The following SP6 variants were observed in gnomAD, a reference collection of about 807,000 sequenced individuals.
SP6 encodes Sp6 transcription factor.
In SP6, 10 loss-of-function variants were observed where a neutral mutation model predicts 23.4. The ratio of observed to expected loss-of-function variants is 0.43; its 90% CI spans 0.26 to 0.72. SP6 has a LOEUF of 0.72. Ranked by LOEUF, SP6 falls within the 30% of genes least tolerant of loss-of-function variation. The pLI, the probability that SP6 is intolerant of heterozygous loss-of-function variation, is 0.23. For missense variants in SP6, 482 were observed against 523.8 expected, an observed-to-expected ratio of 0.92 and a Z score of 0.78; for synonymous variants, 238 against 238.7, an observed-to-expected ratio of 1.00 and a Z score of 0.03.
At position 47,848,211 on chromosome 17, in the gene SP6, G is replaced by A. The variant is rs2033916129; in HGVS notation, c.219C>T (p.Ser73=). The change falls in exon 2 of 2, where the codon TCC becomes TCT. Residue 73 remains serine, a synonymous_variant. Transcript: ENST00000536300. This position sits in a 1 kb window ranked among gnomAD's most constrained non-coding sequence, Gnocchi z 5.3. ...CCAGGTCCTCGCAGGTTACCCGCGA[G>A]GAGGCCCCTGGCAGCTCATAGCCCT... The part of the protein sequence containing the change: ...FSQGYELPGA[S]SRVTCEDLES... The A allele has an allele frequency of 3.1e-6, 5 of 1,612,732 alleles. No homozygotes were observed. Among genetic ancestry groups the A allele is most frequent in the Non-Finnish European group, 4.2e-6 (5 of 1,179,886 alleles).
In SP6 at chr17:47,846,345, C is replaced by T. The variant is rs1567959733; in HGVS notation, c.*954G>A. Reference sequence around the variant, plus strand: ...ACCAGCCCAAGAAACCCTCTTCCTTCCATCCCTGAGGGGAAGGCAACTGGT... The same window carrying T: ...ACCAGCCCAAGAAACCCTCTTCCTTTCATCCCTGAGGGGAAGGCAACTGGT... On this transcript the variant is annotated 3_prime_UTR_variant, in exon 2 of 2. Coordinates refer to ENST00000536300, the MANE Select transcript of SP6 (RefSeq NM_001258248.2). 1 of 152,262 alleles carries T rather than the reference C, an allele frequency of 6.6e-6. No individual in the cohort carries two copies. The highest frequency in any genetic ancestry group is 1.5e-5 in the Non-Finnish European group (1 of 68,062). The allele number at this position is 152,262 out of a possible 1,614,324, so 9.4% of individuals were successfully genotyped here. A position where few individuals can be genotyped will look rare whatever the true frequency, so the allele number is the denominator to read the frequency against.
the SP6 span, among the ~76,000 whole-genome samples, chr17:47,873,079 C>G: frequency 6.6e-6 from 1 of 152,208 alleles, no homozygotes; most frequent in Non-Finnish European, 1.5e-5. Context: ...CAGGGAGATT[C>G]CAGAGCTCTG....
chr17:47,867,527 C>T, the SP6 span, among the ~76,000 whole-genome samples: 1 of 152,144 alleles, frequency 6.6e-6, no homozygotes, highest in Non-Finnish European at 1.5e-5. Context: ...GTGAAGAACC[C>T]GTAATGATCT....
chr17:47,855,700 C>G (rs1254791861), upstream of SP6: 1 of 152,756 alleles, frequency 6.5e-6, no homozygotes, highest in African/African-American at 2.4e-5. Context: ...GGCCAAGTGG[C>G]GGTGATAAAA....
At chr17:47,874,238 C>G in the SP6 span, among the ~76,000 whole-genome samples, 2,790 of 152,152 alleles carry the variant, frequency 0.018, 39 homozygotes, top group Non-Finnish European at 0.029. Flanking sequence ...AGGCGTGCAC[C>G]ACCACACCTG....
chr17:47,866,852 G>T, the SP6 span, among the ~76,000 whole-genome samples: 246 of 152,256 alleles, frequency 1.6e-3, 1 homozygote, highest in African/African-American at 5.4e-3. Flanking sequence ...CAAGGAGAGG[G>T]CAGTGGGGAG....
Position 47,848,445 on chromosome 17 carries a change from TGGGGTGAGGGCA to T in SP6, c.-28_-17del, listed in dbSNP as rs750707698. The T allele has an allele frequency of 3.8e-5, 57 of 1,489,454 alleles. No homozygotes were observed. Among genetic ancestry groups the T allele is most frequent in the Non-Finnish European group, 4.7e-5 (53 of 1,116,332 alleles). The allele number at this position is 1,489,454 out of a possible 1,614,324, so 92.3% of individuals were successfully genotyped here. A position where few individuals can be genotyped will look rare whatever the true frequency, so the allele number is the denominator to read the frequency against. On this transcript the variant is annotated 5_prime_UTR_variant, in exon 2 of 2. Coordinates refer to ENST00000536300, the MANE Select transcript of SP6 (RefSeq NM_001258248.2). This position sits in a 1 kb window ranked among gnomAD's most constrained non-coding sequence, Gnocchi z 5.3. ...CGGTTAGCATTGCCGGGATCCGGGG[TGGGGTGAGGGCA>T]GGGACGGTCAGGGGCACCTCAGACG... is the stretch of plus-strand genomic sequence containing the variant.
chr17:47,865,944 C>T, the SP6 span, among the ~76,000 whole-genome samples: 1 of 152,186 alleles, frequency 6.6e-6, no homozygotes, highest in Non-Finnish European at 1.5e-5. Context: ...ATCTACCCCA[C>T]TAAATGTTCA....
intron 1 of SP6, among the ~76,000 whole-genome samples, chr17:47,850,046 G>A (rs8064380): frequency 0.49 from 73,877 of 151,714 alleles, 18,606 homozygotes; most frequent in African/African-American, 0.54. Flanking sequence ...ACCACAAGAG[G>A]AAAACAGGGT....
the SP6 span, among the ~76,000 whole-genome samples, chr17:47,870,430 GC>G: frequency 6.6e-6 from 1 of 152,060 alleles, no homozygotes; most frequent in Non-Finnish European, 1.5e-5. Flanking sequence ...TGACATCCCT[GC>G]TTCTTTCTCT....
rs1598058658 is a variant in SP6 at position 47,847,790 on chromosome 17, C to G, written c.640G>C (p.Gly214Arg). ...CTGCGGGGCACCGACCGCCGGGAGC[C>G]TTTGGGACGCGCCGCCCCGTCCAGG... ...SSLDGAARPKGSRRSVPRSSG... is the reference protein window; with the variant it reads ...SSLDGAARPKRSRRSVPRSSG... Residue 214 changes from glycine (G) to arginine (R), a missense_variant, in exon 2 of 2, where the codon GGC becomes CGC. Physicochemically the swap from Gly to Arg is moderately radical, Grantham distance 125. Around this residue, in one of 3 missense-constraint regions of SP6, gnomAD observed 330 missense variants for 332.3 expected, o/e 0.99. Transcript: ENST00000536300. 6 of 1,541,840 alleles carry G rather than the reference C, an allele frequency of 3.9e-6. No individual in the cohort carries two copies. The highest frequency in any genetic ancestry group is 5.2e-6 in the Non-Finnish European group (6 of 1,147,372).
upstream of SP6, among the ~76,000 whole-genome samples, chr17:47,859,091 C>T (rs998136843): frequency 3.9e-5 from 6 of 152,060 alleles, no homozygotes; most frequent in Non-Finnish European, 7.4e-5. Context: ...TCCTAAAGTG[C>T]CACTCCATCT....
At chr17:47,855,799 A>G (rs16948835), upstream of SP6, 51,635 of 152,274 alleles carry the variant, frequency 0.34, 9,554 homozygotes, top group Non-Finnish European at 0.41. Flanking sequence ...TCACGGCCTC[A>G]GAAGCTTTTA....
chr17:47,868,551 A>G, the SP6 span, among the ~76,000 whole-genome samples: 1 of 152,170 alleles, frequency 6.6e-6, no homozygotes, highest in Admixed American at 6.5e-5. Context: ...GACCTCCACC[A>G]AGGGACAGAG....
chr17:47,871,625 T>C, the SP6 span, among the ~76,000 whole-genome samples: 13 of 151,920 alleles, frequency 8.6e-5, no homozygotes, highest in Admixed American at 5.9e-4. Flanking sequence ...TTCTTTCTTT[T>C]TTTTTTTTTT....
the SP6 span, among the ~76,000 whole-genome samples, chr17:47,873,007 C>T: frequency 2.2e-3 from 339 of 152,272 alleles, 3 homozygotes; most frequent in South Asian, 6.2e-3. Flanking sequence ...GCTGTGGCCA[C>T]ACAACTGGCA....
At position 47,847,943 on chromosome 17, in the gene SP6, C is replaced by A. The variant is rs768578450; in HGVS notation, c.487G>T (p.Ala163Ser). Residue 163 changes from alanine (A) to serine (S), a missense_variant, in exon 2 of 2, where the codon GCC becomes TCC. Ala to Ser is a moderately conservative substitution (Grantham distance 99). Coordinates refer to ENST00000536300, the MANE Select transcript of SP6 (RefSeq NM_001258248.2). ...TGCGCATGCGGGTGGGGTGGCGGGGCACAAAGCTGGTGGTCTCCGACGTAG... is the reference window on the plus strand; with the variant it reads ...TGCGCATGCGGGTGGGGTGGCGGGGAACAAAGCTGGTGGTCTCCGACGTAG... ...GGYVGDHQLC[A>S]PPPHPHAHHL... 8 of 1,569,582 alleles carry A rather than the reference C, an allele frequency of 5.1e-6. No homozygotes were observed. Among genetic ancestry groups the A allele is most frequent in the Non-Finnish European group, 6.9e-6 (8 of 1,157,510 alleles).
chr17:47,872,809 C>T, the SP6 span, among the ~76,000 whole-genome samples: 1 of 125,410 alleles, frequency 8.0e-6, no homozygotes, highest in Non-Finnish European at 1.6e-5. Context: ...AAGGCAGAGC[C>T]GTAGGAGGCC....
In SP6 at chr17:47,847,459, A is replaced by G; in HGVS notation, c.971T>C (p.Met324Thr). The change falls in exon 2 of 2, where the codon ATG becomes ACG. Residue 324 changes from methionine (M) to threonine (T), a missense_variant. Physicochemically the swap from Met to Thr is moderately conservative, Grantham distance 81. Transcript: ENST00000536300. ...GTGCTTGGCCAGGTGGTCGCTGCGC[A>G]TGAAGACGCGGCTGCAGACTGCACA... is the stretch of plus-strand genomic sequence containing the variant. ...FPCAVCSRVF[M>T]RSDHLAKHMK... 1.2e-6 allele frequency: 2 copies of G among 1,613,680 alleles called. No individual in the cohort carries two copies. The highest frequency in any genetic ancestry group is 1.7e-6 in the Non-Finnish European group (2 of 1,179,904).
Sources: gnomAD v4.1 joint callset for allele counts (sites outside exome capture counted in the v4.1 genomes callset) on GRCh38, gnomAD v4.1.1 for gene constraint, gnomAD v4.1.1 regional missense constraint, Gnocchi (gnomAD v3.1) non-coding constraint, MANE v1.5 for transcripts, NCBI Gene and HGNC (gene_info 2026-07-23, HGNC 2026-07-21) for gene names.